Variants in RNF135 observed in about 807,000 individuals in gnomAD.
RNF135 encodes E3 ubiquitin-protein ligase RNF135.
RNF135 carries 46 observed loss-of-function variants against 41.9 expected under a neutral mutation model. The observed-to-expected ratio is 1.10, with a 90% CI of 0.87 to 1.40. The LOEUF is 1.40. Ranked by LOEUF, RNF135 falls within the 40% of genes most tolerant of loss-of-function variation. The pLI, the probability that RNF135 is intolerant of heterozygous loss-of-function variation, is 0.00. For missense variants in RNF135, 539 were observed against 549.8 expected, an observed-to-expected ratio of 0.98 and a Z score of 0.20; for synonymous variants, 238 against 223.8, an observed-to-expected ratio of 1.06 and a Z score of -0.57.
chr17:30,993,975 T>C (rs1908166526), intron 3 of RNF135: 1 of 493,524 alleles, frequency 2.0e-6, no homozygotes, highest in Non-Finnish European at 3.6e-6. Context: ...AGCTAATTTT[T>C]TGTACTTTTT....
chr17:30,992,959 T>C (rs937705469), intron 3 of RNF135, among the ~76,000 whole-genome samples: 5 of 151,834 alleles, frequency 3.3e-5, no homozygotes, highest in Non-Finnish European at 5.9e-5. Context: ...TTTAAATCTT[T>C]GGTTTCATGT....
intron 4 of RNF135, among the ~76,000 whole-genome samples, 171 bp from the exon 5 acceptor site, chr17:30,998,491 A>G (rs1440144497): frequency 6.6e-6 from 1 of 152,234 alleles, no homozygotes; most frequent in Non-Finnish European, 1.5e-5. Context: ...TAGCATATCT[A>G]TCATCTGAAA....
chr17:30,986,258 G>T (rs1259242877), intron 2 of RNF135, among the ~76,000 whole-genome samples: 4 of 151,180 alleles, frequency 2.6e-5, no homozygotes, highest in Admixed American at 6.6e-5. Flanking sequence ...GTGCAGTGGC[G>T]TGATCTCAGC....
rs112933235 is a variant in RNF135 at position 30,982,843 on chromosome 17, A to G, written c.373-1774A>G. 2.3e-3 allele frequency among the ~76,000 whole-genome samples: 353 copies of G among 152,308 alleles called. 2 individuals are homozygous for G. Among genetic ancestry groups the G allele is most frequent in the Middle Eastern group, 0.017 (5 of 294 alleles). ...TAACTTTAAAAAATTTTAAATTAACATGACTGGTTCTTCAGGGTACCATAA... is the reference window on the plus strand; with the variant it reads ...TAACTTTAAAAAATTTTAAATTAACGTGACTGGTTCTTCAGGGTACCATAA... On this transcript the variant is annotated intron_variant, in intron 1 of 4. Transcript: ENST00000328381.
intron 1 of RNF135, chr17:30,972,559 C>G (rs1013716375): frequency 6.6e-6 from 1 of 152,238 alleles, no homozygotes; most frequent in Non-Finnish European, 1.5e-5. Context: ...TTTCTCCTCC[C>G]TCTAGCCCCT....
intron 3 of RNF135, among the ~76,000 whole-genome samples, chr17:30,989,615 T>G (rs1907845876): frequency 6.6e-6 from 1 of 152,240 alleles, no homozygotes; most frequent in Non-Finnish European, 1.5e-5. Flanking sequence ...TATCTTCATA[T>G]GCTTTAGAGG....
upstream of RNF135, among the ~76,000 whole-genome samples, chr17:30,968,245 GCCACT>G (rs1361139886): frequency 5.4e-5 from 8 of 148,478 alleles, no homozygotes; most frequent in African/African-American, 1.8e-4. Flanking sequence ...ACGAGATTGT[GCCACT>G]CCACTCCACT....
At chr17:30,960,880 C>T in the RNF135 span, among the ~76,000 whole-genome samples, 1 of 151,384 alleles carries the variant, frequency 6.6e-6, no homozygotes, top group East Asian at 1.9e-4. Context: ...GCTGGGACTA[C>T]AGGCGCCCGC....
chr17:30,960,066 C>T, the RNF135 span, among the ~76,000 whole-genome samples: 1 of 151,034 alleles, frequency 6.6e-6, no homozygotes, highest in East Asian at 1.9e-4. Context: ...GAAACAGAAC[C>T]AATGATATAC....
intron 1 of RNF135, chr17:30,978,517 ACT>A (rs1238716024): frequency 2.0e-5 from 3 of 150,874 alleles, no homozygotes; most frequent in East Asian, 1.9e-4. Flanking sequence ...CTATTGAGAG[ACT>A]CTGATGCATT....
chr17:30,995,795 C>T (rs1908314212), intron 3 of RNF135, among the ~76,000 whole-genome samples: 1 of 151,770 alleles, frequency 6.6e-6, no homozygotes, highest in South Asian at 2.1e-4. Flanking sequence ...GCTCTGTCAC[C>T]CAGGCTGGAG....
chr17:30,983,317 G>GTATGTATATA (rs1234232549), intron 1 of RNF135, among the ~76,000 whole-genome samples: 14 of 24,836 alleles, frequency 5.6e-4, no homozygotes, highest in Non-Finnish European at 1.2e-3. Flanking sequence ...TTACATATAT[G>GTATGTATATA]TACATATATA....
At chr17:30,979,609 C>T (rs1598084937) in intron 1 of RNF135, among the ~76,000 whole-genome samples, 4 of 120,224 alleles carry the variant, frequency 3.3e-5, no homozygotes, top group Non-Finnish European at 5.3e-5. Flanking sequence ...TAGGGGCGGC[C>T]GGGCAGAGGC....
At chr17:30,995,436 C>T (rs1283553019) in intron 3 of RNF135, among the ~76,000 whole-genome samples, 1 of 151,988 alleles carries the variant, frequency 6.6e-6, no homozygotes, top group Non-Finnish European at 1.5e-5. Context: ...CATTATGTTG[C>T]CCAGGCTGGT....
intron 1 of RNF135, among the ~76,000 whole-genome samples, chr17:30,983,602 C>T (rs1400571911): frequency 6.6e-6 from 1 of 151,476 alleles, no homozygotes; most frequent in African/African-American, 2.4e-5. Context: ...GATCCACCCG[C>T]CTCGGCCTCC....
intron 1 of RNF135, among the ~76,000 whole-genome samples, chr17:30,981,166 C>T (rs9797301): frequency 0.02 from 2,935 of 149,650 alleles, 52 homozygotes; most frequent in Middle Eastern, 0.045. Context: ...GAGACCAGCC[C>T]GGCCAACACA....
chr17:30,966,983 G>T (rs777250367), upstream of RNF135, among the ~76,000 whole-genome samples: 2 of 152,028 alleles, frequency 1.3e-5, no homozygotes, highest in Non-Finnish European at 2.9e-5. Flanking sequence ...AAACATAAAA[G>T]AAATAGAATT....
At chr17:30,960,954 G>A in the RNF135 span, among the ~76,000 whole-genome samples, 50 of 151,938 alleles carry the variant, frequency 3.3e-4, no homozygotes, top group African/African-American at 1.2e-3. Context: ...TTAGCCAGGA[G>A]GGTCTCGATC....
chr17:30,992,890 GAAGTTTAGAAAGGAATTTTCTC>G (rs1052929465), intron 3 of RNF135, among the ~76,000 whole-genome samples: 8 of 151,970 alleles, frequency 5.3e-5, no homozygotes, highest in Non-Finnish European at 8.8e-5. Context: ...TCAACCCCCT[GAAGTTTAGAAAGGAATTTTCTC>G]AGGTATATGT....
Sources: gnomAD v4.1 joint callset for allele counts (sites outside exome capture counted in the v4.1 genomes callset) on GRCh38, gnomAD v4.1.1 for gene constraint, MANE v1.5 for transcripts, NCBI Gene and HGNC (gene_info 2026-07-23, HGNC 2026-07-21) for gene names.